Variants in GAS2 observed in about 807,000 individuals in gnomAD.
The protein encoded by GAS2 is growth arrest-specific protein 2.
A neutral mutation model predicts 37.5 loss-of-function variants in GAS2; 20 were observed. The observed-to-expected ratio is 0.53, with a 90% CI of 0.37 to 0.77. The LOEUF is 0.77. GAS2 is among the 30% of genes least tolerant of loss of function. GAS2 has a pLI of 0.00. For missense variants in GAS2, 336 were observed against 373.4 expected, an observed-to-expected ratio of 0.90 and a Z score of 0.82; for synonymous variants, 144 against 132.2, an observed-to-expected ratio of 1.09 and a Z score of -0.61.
intron 5 of GAS2, among the ~76,000 whole-genome samples, chr11:22,739,210 G>T (rs536116861): frequency 6.6e-6 from 1 of 152,022 alleles, no homozygotes; most frequent in Non-Finnish European, 1.5e-5. Context: ...ACCAACCTTG[G>T]GGCTTCTGGC....
At chr11:22,655,028 A>C (rs1294432711) in intron 1 of GAS2, among the ~76,000 whole-genome samples, 1 of 152,172 alleles carries the variant, frequency 6.6e-6, no homozygotes, top group Non-Finnish European at 1.5e-5. Flanking sequence ...ACGTCTTAAA[A>C]TGTTGTTCAA....
At chr11:22,755,474 T>C (rs1206702186) in intron 6 of GAS2, among the ~76,000 whole-genome samples, 1 of 152,158 alleles carries the variant, frequency 6.6e-6, no homozygotes, top group Non-Finnish European at 1.5e-5. Context: ...TAACATACTT[T>C]CTATTCTGGT....
At chr11:22,747,204 A>AT (rs1208618338) in intron 5 of GAS2, among the ~76,000 whole-genome samples, 1 of 152,182 alleles carries the variant, frequency 6.6e-6, no homozygotes, top group South Asian at 2.1e-4. Context: ...AGAATAGAGA[A>AT]TTTTTTTACA....
At chr11:22,675,613 G>T (rs983073433) in intron 2 of GAS2, among the ~76,000 whole-genome samples, 1 of 152,062 alleles carries the variant, frequency 6.6e-6, no homozygotes, top group African/African-American at 2.4e-5. Context: ...TGTTGCTGTT[G>T]TGCTTTCATA....
At chr11:22,647,843 G>C (rs1848721165) in intron 1 of GAS2, among the ~76,000 whole-genome samples, 1 of 152,048 alleles carries the variant, frequency 6.6e-6, no homozygotes, top group Non-Finnish European at 1.5e-5. Context: ...AGATGAGTAG[G>C]TTGCAAAAAT....
intron 1 of GAS2, among the ~76,000 whole-genome samples, chr11:22,632,086 C>G (rs1353499275): frequency 1.3e-5 from 2 of 150,736 alleles, no homozygotes; most frequent in Admixed American, 6.7e-5. Context: ...TTCATTTTCT[C>G]TAGATTTTCT....
intron 4 of GAS2, among the ~76,000 whole-genome samples, chr11:22,732,064 G>A (rs1852504963): frequency 6.6e-6 from 1 of 151,658 alleles, no homozygotes. Flanking sequence ...AAATGGCCCA[G>A]CTACAGTTTG....
intron 7 of GAS2, among the ~76,000 whole-genome samples, chr11:22,784,248 A>G (rs181784046): frequency 5.4e-4 from 83 of 152,302 alleles, no homozygotes; most frequent in Non-Finnish European, 1.0e-4. Flanking sequence ...TCAAGACTCA[A>G]CTGATTCTGT....
intron 7 of GAS2, among the ~76,000 whole-genome samples, chr11:22,779,922 C>T (rs946569125): frequency 6.6e-6 from 1 of 152,122 alleles, no homozygotes; most frequent in Non-Finnish European, 1.5e-5. Context: ...ATCCCAAGCA[C>T]CCTGTAATTT....
intron 7 of GAS2, among the ~76,000 whole-genome samples, chr11:22,785,483 C>G (rs1339915587): frequency 6.6e-6 from 1 of 152,106 alleles, no homozygotes; most frequent in Non-Finnish European, 1.5e-5. Flanking sequence ...GCTTAATATT[C>G]AAGAACAATA....
chr11:22,682,845 A>G (rs950263158), intron 2 of GAS2, among the ~76,000 whole-genome samples: 2 of 131,160 alleles, frequency 1.5e-5, no homozygotes, highest in African/African-American at 5.4e-5. Context: ...ACTGCACTCC[A>G]GCCTGTGGTT....
At position 22,812,076 on chromosome 11, in the gene GAS2, G is replaced by T; in HGVS notation, c.*60G>T. On this transcript the variant is annotated 3_prime_UTR_variant, in exon 8 of 8. Coordinates refer to ENST00000454584, the MANE Select transcript of GAS2 (RefSeq NM_001143830.3). The stretch of plus-strand genomic sequence containing the variant: ...GGCCTGTATCCACTTCTCCAGTATA[G>T]TCAGTTTAGTTCATATGTTCTGAAA... 3.3e-6 allele frequency: 4 copies of T among 1,221,770 alleles called. No individual in the cohort carries two copies. Among genetic ancestry groups the T allele is most frequent in the Non-Finnish European group, 4.8e-6 (4 of 828,510 alleles). 75.7% of individuals were successfully genotyped at this position (1,221,770 alleles called of 1,614,324 possible).
rs905917685 is a variant in GAS2 at position 22,634,480 on chromosome 11, C to A, written c.-21+8667C>A. Among the ~76,000 whole-genome samples, 8 of 152,280 alleles carry A rather than the reference C, an allele frequency of 5.3e-5. 1 individual carries two copies. Among genetic ancestry groups the A allele is most frequent in the African/African-American group, 1.9e-4 (8 of 41,566 alleles). ...TTTCTCCACTGAGCCCCACACTGCACCTGTTGTGCCTTTGCTGAAATAAAC... is the reference window on the plus strand; with the variant it reads ...TTTCTCCACTGAGCCCCACACTGCAACTGTTGTGCCTTTGCTGAAATAAAC... On this transcript the variant is annotated intron_variant, in intron 1 of 5. Transcript: ENST00000528582.
At chr11:22,645,989 A>G (rs1848686654) in intron 1 of GAS2, among the ~76,000 whole-genome samples, 1 of 151,578 alleles carries the variant, frequency 6.6e-6, no homozygotes. Context: ...GATTACAGGC[A>G]TGCACCACCA....
chr11:22,698,432 C>A (rs977219253), intron 3 of GAS2, among the ~76,000 whole-genome samples: 2 of 151,886 alleles, frequency 1.3e-5, no homozygotes, highest in Non-Finnish European at 2.9e-5. Context: ...CCGAATTCTA[C>A]CAGAGGTACA....
At chr11:22,693,914 A>G (rs1850371339) in intron 3 of GAS2, among the ~76,000 whole-genome samples, 1 of 152,216 alleles carries the variant, frequency 6.6e-6, no homozygotes, top group Non-Finnish European at 1.5e-5. Context: ...TGTTATACAA[A>G]GAAACCCAAA....
chr11:22,705,472 G>C (rs1332538021), intron 3 of GAS2, among the ~76,000 whole-genome samples: 2 of 152,130 alleles, frequency 1.3e-5, no homozygotes, highest in Non-Finnish European at 2.9e-5. Context: ...TGCTAACTGT[G>C]TACAAGATCT....
chr11:22,636,353 AC>A (rs1258594292), intron 1 of GAS2, among the ~76,000 whole-genome samples: 1 of 152,120 alleles, frequency 6.6e-6, no homozygotes, highest in African/African-American at 2.4e-5. Flanking sequence ...CAAACAACCT[AC>A]CTCACGGGCC....
intron 1 of GAS2, among the ~76,000 whole-genome samples, chr11:22,656,991 G>C (rs1164200855): frequency 6.6e-6 from 1 of 152,148 alleles, no homozygotes. Context: ...TCCATAGAGA[G>C]AAGACAGTGG....
Sources: gnomAD v4.1 joint callset for allele counts (sites outside exome capture counted in the v4.1 genomes callset) on GRCh38, gnomAD v4.1.1 for gene constraint, MANE v1.5 for transcripts, NCBI Gene and HGNC (gene_info 2026-07-23, HGNC 2026-07-21) for gene names.